NLRP3: variants seen among roughly 807,000 people sequenced by gnomAD.
NLRP3 encodes the protein NACHT, LRR and PYD domains-containing protein 3.
In NLRP3, 48 loss-of-function variants were observed where a neutral mutation model predicts 91.3. The observed-to-expected ratio is 0.53, with a 90% CI of 0.42 to 0.67. NLRP3 has a LOEUF of 0.67. Ranked by LOEUF, NLRP3 falls within the 30% of genes least tolerant of loss-of-function variation. NLRP3 has a pLI of 0.00. For synonymous variants in NLRP3, 561 were observed against 507.9 expected (o/e 1.10, Z -1.41); for missense variants, 982 against 1,276.9 (o/e 0.77, Z 3.52).
chr1:247,444,396 T>G (rs1001885895), intron 8 of NLRP3, among the ~76,000 whole-genome samples: 1 of 152,132 alleles, frequency 6.6e-6, no homozygotes, highest in Non-Finnish European at 1.5e-5. Context: ...TTTATGGAAA[T>G]GTAGGGAAAG....
rs374404651 is a variant in NLRP3, at chr1:247,423,828, C to G, written c.398-19C>G. The stretch of plus-strand genomic sequence containing the variant: ...GGATGTGTGTATACTTTCCCCCTAA[C>G]TTCCTGTCTTTGCCGTAGATTACCG... On this transcript the variant is annotated intron_variant, in intron 3 of 9. Coordinates refer to ENST00000336119, the MANE Select transcript of NLRP3 (RefSeq NM_001243133.2). 9 of 1,611,464 alleles carry G rather than the reference C, an allele frequency of 5.6e-6. No individual in the cohort carries two copies. The highest frequency in any genetic ancestry group is 5.3e-5 in the African/African-American group (4 of 74,830).
intron 9 of NLRP3, among the ~76,000 whole-genome samples, chr1:247,446,492 G>A (rs1664593308): frequency 6.6e-6 from 1 of 152,136 alleles, no homozygotes; most frequent in Admixed American, 6.5e-5. Flanking sequence ...TTCTGCCCCA[G>A]TACAGTGATC....
At chr1:247,437,162 A>T (rs1374153632) in intron 7 of NLRP3, among the ~76,000 whole-genome samples, 2 of 152,070 alleles carry the variant, frequency 1.3e-5, no homozygotes, top group African/African-American at 2.4e-5. Flanking sequence ...TAAGGGTGGG[A>T]CCTCCAATTT....
chr1:247,431,588 C>T (rs12564791), intron 5 of NLRP3, among the ~76,000 whole-genome samples: 21,467 of 152,174 alleles, frequency 0.14, 1,539 homozygotes, highest in Middle Eastern at 0.17. Context: ...GTCTTGCTGT[C>T]ATCTTTGCCA....
At chr1:247,417,887 C>T (rs949589019) in intron 1 of NLRP3, among the ~76,000 whole-genome samples, 166 bp from the exon 2 acceptor site, 7 of 152,330 alleles carry the variant, frequency 4.6e-5, no homozygotes, top group Admixed American at 1.3e-4. Context: ...TCTCTCTCCT[C>T]TCTCCCTAGC....
At chr1:247,433,479 A>G (rs1370864621) in intron 5 of NLRP3, among the ~76,000 whole-genome samples, 1 of 152,184 alleles carries the variant, frequency 6.6e-6, no homozygotes, top group African/African-American at 2.4e-5. Context: ...GGTGATCTCA[A>G]TGCACCCGGC....
intron 7 of NLRP3, among the ~76,000 whole-genome samples, chr1:247,440,082 AG>A (rs1664098959): frequency 4.2e-5 from 1 of 23,850 alleles, no homozygotes; most frequent in Non-Finnish European, 1.0e-4. Flanking sequence ...CCTATGGGTT[AG>A]GTATAGCCTA....
chr1:247,438,836 T>A (rs1370432684), intron 7 of NLRP3, among the ~76,000 whole-genome samples: 1 of 152,192 alleles, frequency 6.6e-6, no homozygotes, highest in Non-Finnish European at 1.5e-5. Flanking sequence ...TGTAAACATA[T>A]CATAGTACAG....
intron 2 of NLRP3, 60 bp from the exon 3 acceptor site, chr1:247,423,170 T>G: frequency 6.2e-7 from 1 of 1,611,206 alleles, no homozygotes; most frequent in Non-Finnish European, 8.5e-7. Flanking sequence ...TAGGCCAGGT[T>G]TCAATTGCAT....
chr1:247,441,336 G>C lies in NLRP3; in HGVS notation c.2664-2636G>C, dbSNP rs1664229605. Among the ~76,000 whole-genome samples, 5 of 151,780 alleles carry C rather than the reference G, an allele frequency of 3.3e-5. No individual in the cohort carries two copies. The South Asian group carries it at 8.3e-4, about 25-fold the overall frequency. On this transcript the variant is annotated intron_variant, in intron 7 of 9. Coordinates refer to ENST00000336119, the MANE Select transcript of NLRP3 (RefSeq NM_001243133.2). ...TCACTGTAGCCTTGAACTCTCCTGG[G>C]CTCAAGCAATCTTCCTGCCTCAGCC...
At chr1:247,423,127 G>A in intron 2 of NLRP3, 103 bp from the exon 3 acceptor site, 2 of 1,496,762 alleles carry the variant, frequency 1.3e-6, no homozygotes, top group Non-Finnish European at 1.9e-6. Flanking sequence ...TGATTTGGGG[G>A]ATGTTTGGGG....
chr1:247,444,887 C>CA, intron 9 of NLRP3, 66 bp downstream of exon 9: 1 of 1,546,428 alleles, frequency 6.5e-7, no homozygotes, highest in Non-Finnish European at 8.9e-7. Flanking sequence ...TGACTGTTAT[C>CA]AAAATCCAGG....
In NLRP3 at chr1:247,424,802, C is replaced by T. The variant is rs200228309; in HGVS notation, c.1353C>T (p.Pro451=). 4 of 1,609,338 alleles carry T rather than the reference C, an allele frequency of 2.5e-6. No homozygotes were observed. The African/African-American group carries it at 4.0e-5, about 16-fold the overall frequency. The change falls in exon 4 of 10, where the codon CCC becomes CCT. Residue 451 remains proline (P), a synonymous_variant. Transcript: ENST00000336119. This position sits in a 1 kb window ranked among gnomAD's most constrained non-coding sequence, Gnocchi z 8.1. ...TCTTCCTTTCCAGTTTGCTGCAGCC[C>T]CGGGGAGGGAGCCAGGAGCACGGCC... ...YVFFLSSLLQ[P]RGGSQEHGLC... is the part of the protein sequence containing the mutation.
chr1:247,433,456 C>A (rs1663496809), intron 5 of NLRP3, among the ~76,000 whole-genome samples: 1 of 152,200 alleles, frequency 6.6e-6, no homozygotes, highest in Non-Finnish European at 1.5e-5. Context: ...GCGCACCATT[C>A]ACATGTCTGG....
Position 247,434,097 on chromosome 1 carries a change from A to C in NLRP3, c.2322-6A>C, listed in dbSNP as rs778792605. On this transcript the variant is annotated splice_polypyrimidine_tract_variant and splice_region_variant and intron_variant, in intron 5 of 9. Transcript: ENST00000336119. Reference sequence around the variant, plus strand: ...GATGCTTTCTGCCTCTGTTCTTGGCATGAAGGTTGGGGCGCTGTGGCCTCT... The same window carrying C: ...GATGCTTTCTGCCTCTGTTCTTGGCCTGAAGGTTGGGGCGCTGTGGCCTCT... 3 of 1,312,560 alleles carry C rather than the reference A, an allele frequency of 2.3e-6. No individual in the cohort carries two copies. The highest frequency in any genetic ancestry group is 2.5e-5 in the Admixed American group (1 of 39,844). The allele number at this position is 1,312,560 out of a possible 1,614,324, so 81.3% of individuals were successfully genotyped here. A position where few individuals can be genotyped will look rare whatever the true frequency, so the allele number is the denominator to read the frequency against.
chr1:247,443,291 G>A (rs1357550913), intron 7 of NLRP3, among the ~76,000 whole-genome samples: 1 of 152,078 alleles, frequency 6.6e-6, no homozygotes, highest in Admixed American at 6.5e-5. Context: ...GTGTGGCAGC[G>A]CAATCATGGC....
At position 247,448,457 on chromosome 1, in the gene NLRP3, CAAG is replaced by C; in HGVS notation, c.3064_3066del (p.Glu1022del). 1 of 1,613,720 alleles carries C rather than the reference CAAG, an allele frequency of 6.2e-7. No homozygotes were observed. The highest frequency in any genetic ancestry group is 1.1e-5 in the South Asian group (1 of 91,072). On this transcript the variant is annotated inframe_deletion, in exon 10 of 10. Transcript: ENST00000336119. ...GACAAAAAGTGCGTTAGAAACACTT[CAAG>C]AAGAAAAGCCTGAGCTGACCGTCGT... is the stretch of plus-strand genomic sequence containing the variant.
intron 5 of NLRP3, among the ~76,000 whole-genome samples, chr1:247,431,201 A>AATG (rs1244589708): frequency 3.3e-5 from 5 of 151,796 alleles, no homozygotes; most frequent in Non-Finnish European, 7.4e-5. Flanking sequence ...TAATAATAAT[A>AATG]ATAATAATAA....
Position 247,418,361 on chromosome 1 carries a change from G to T in NLRP3, c.-440G>T, listed in dbSNP as rs899650786. ...GTGTCGCCTAGGCTGGAGTGCAGTG[G>T]CGTGATCTTGGCTCACTGCAGCCTC... is the stretch of plus-strand genomic sequence containing the variant. On this transcript the variant is annotated 5_prime_UTR_variant, in exon 2 of 10. Transcript: ENST00000336119. The T allele has an allele frequency of 1.1e-5, 3 of 272,244 alleles. No individual in the cohort carries two copies. Among genetic ancestry groups the T allele is most frequent in the Non-Finnish European group, 2.2e-5 (3 of 138,368 alleles). 16.9% of individuals were successfully genotyped at this position (272,244 alleles called of 1,614,324 possible). A position where few individuals can be genotyped will look rare whatever the true frequency, so the allele number is the denominator to read the frequency against.
Sources: allele counts gnomAD v4.1 joint callset (sites outside exome capture counted in the v4.1 genomes callset), GRCh38; gene constraint gnomAD v4.1.1; non-coding constraint Gnocchi (gnomAD v3.1); transcripts MANE v1.5; gene names NCBI Gene and HGNC (gene_info 2026-07-23, HGNC 2026-07-21).